The following NAALADL2 variants were observed in gnomAD, a reference collection of about 807,000 sequenced individuals.
The protein encoded by NAALADL2 is N-acetylated alpha-linked acidic dipeptidase like 2, also known as inactive N-acetylated-alpha-linked acidic dipeptidase-like protein 2.
In NAALADL2, 76 loss-of-function variants were observed where a neutral mutation model predicts 87.2. That is an observed-to-expected ratio of 0.87 (90% CI 0.72 to 1.05). The LOEUF (loss-of-function observed/expected upper bound fraction) is 1.05, where lower values mean the gene tolerates loss of function less well. Among genes scored for constraint, NAALADL2 ranks in the 50% least tolerant of loss-of-function variants. The probability of loss-of-function intolerance (pLI) is 0.00; values close to 1 mark genes in which losing one functional copy is unlikely to be tolerated. For missense variants in NAALADL2, 1,089 were observed against 945.8 expected, an observed-to-expected ratio of 1.15 and a Z score of -1.99; for synonymous variants, 354 against 331.0, an observed-to-expected ratio of 1.07 and a Z score of -0.75.
At chr3:174,941,224 G>A (rs939251234) in intron 1 of NAALADL2, among the ~76,000 whole-genome samples, 1 of 152,090 alleles carries the variant, frequency 6.6e-6, no homozygotes, top group Non-Finnish European at 1.5e-5. Flanking sequence ...TAGCATCAAA[G>A]AACTTCTTGA....
At chr3:175,065,723 A>G (rs912804307) in intron 1 of NAALADL2, among the ~76,000 whole-genome samples, 1 of 152,236 alleles carries the variant, frequency 6.6e-6, no homozygotes, top group African/African-American at 2.4e-5. Context: ...GGAGAAAAAA[A>G]AGAGAGTCAG....
intron 1 of NAALADL2, among the ~76,000 whole-genome samples, chr3:174,499,957 T>C (rs902963889): frequency 1.3e-5 from 2 of 152,158 alleles, no homozygotes; most frequent in Non-Finnish European, 2.9e-5. Flanking sequence ...TAAATTTCTG[T>C]AAAAATCCTT....
chr3:175,255,314 A>G (rs1043600671), intron 3 of NAALADL2, among the ~76,000 whole-genome samples: 5 of 152,220 alleles, frequency 3.3e-5, no homozygotes, highest in South Asian at 4.1e-4. Context: ...ATGTTCCTAT[A>G]GAAACAATGC....
At chr3:175,739,046 A>T (rs1452356713) in intron 12 of NAALADL2, among the ~76,000 whole-genome samples, 3 of 152,194 alleles carry the variant, frequency 2.0e-5, no homozygotes, top group East Asian at 3.8e-4. Context: ...TTCAGAGAAC[A>T]AAAGGAGTTT....
At chr3:175,191,230 T>C (rs1738150110) in intron 2 of NAALADL2, among the ~76,000 whole-genome samples, 1 of 151,764 alleles carries the variant, frequency 6.6e-6, no homozygotes, top group Non-Finnish European at 1.5e-5. Flanking sequence ...CCTAATATCA[T>C]GTTGCATACT....
chr3:175,322,017 C>T (rs1759956044), intron 4 of NAALADL2, among the ~76,000 whole-genome samples: 1 of 151,896 alleles, frequency 6.6e-6, no homozygotes, highest in Non-Finnish European at 1.5e-5. Flanking sequence ...CAAAAAAGAG[C>T]CCGCATCACC....
At chr3:174,757,135 G>C (rs1041008530) in intron 3 of NAALADL2, among the ~76,000 whole-genome samples, 19 of 152,126 alleles carry the variant, frequency 1.2e-4, no homozygotes, top group Non-Finnish European at 2.5e-4. Flanking sequence ...TAATATTGTT[G>C]TTAGTTAGCA....
At chr3:175,330,796 TAATAA>T (rs1761304592) in intron 5 of NAALADL2, among the ~76,000 whole-genome samples, 1 of 151,636 alleles carries the variant, frequency 6.6e-6, no homozygotes, top group Admixed American at 6.6e-5. Context: ...ATGAAACAAA[TAATAA>T]AATATCAGAG....
In NAALADL2 at chr3:174,797,430, G is replaced by T. The variant is rs1718273130; in HGVS notation, c.-9+59684G>T. ...GGGTTCAAGCGATTCTCCTGTCTCA[G>T]CCTCCAGAGTAGTGGAATTGCAGGC... On this transcript the variant is annotated intron_variant, in intron 3 of 3. Transcript: ENST00000434257. Among the ~76,000 whole-genome samples, 3 of 146,706 alleles carry T rather than the reference G, an allele frequency of 2.0e-5. No homozygotes were observed. In the Admixed American group the frequency reaches 2.1e-4, roughly 10 times the overall value.
intron 1 of NAALADL2, 101 bp from the exon 2 acceptor site, chr3:175,096,689 A>G: frequency 3.3e-6 from 2 of 601,204 alleles, no homozygotes; most frequent in East Asian, 6.2e-5. Flanking sequence ...CTGTATTATA[A>G]TCATTAAACA....
intron 9 of NAALADL2, among the ~76,000 whole-genome samples, chr3:175,539,596 G>C: frequency 7.7e-6 from 1 of 130,216 alleles, no homozygotes; most frequent in Non-Finnish European, 1.6e-5. Flanking sequence ...TTGTCACCCA[G>C]GTACTAAGCA....
intron 1 of NAALADL2, among the ~76,000 whole-genome samples, chr3:174,965,188 C>T (rs1467981624): frequency 6.6e-6 from 1 of 152,080 alleles, no homozygotes; most frequent in Admixed American, 6.6e-5. Flanking sequence ...AGGCTATTGG[C>T]TGGAGATCTC....
At chr3:175,109,712 A>G (rs1580496555) in intron 2 of NAALADL2, among the ~76,000 whole-genome samples, 1 of 151,810 alleles carries the variant, frequency 6.6e-6, no homozygotes, top group Non-Finnish European at 1.5e-5. Context: ...TTCTAGCATT[A>G]CCCAGCAACT....
chr3:174,824,614 T>C (rs952151002), intron 3 of NAALADL2, among the ~76,000 whole-genome samples: 2 of 152,192 alleles, frequency 1.3e-5, no homozygotes, highest in African/African-American at 4.8e-5. Context: ...ATGAATATAA[T>C]AAAGTTAGTT....
At chr3:175,790,280 C>T (rs1752624573) in intron 13 of NAALADL2, among the ~76,000 whole-genome samples, 1 of 151,918 alleles carries the variant, frequency 6.6e-6, no homozygotes, top group African/African-American at 2.4e-5. Context: ...TTTTGGGGCC[C>T]CAGATCCATT....
At chr3:175,537,836 G>A (rs1213755445) in intron 9 of NAALADL2, among the ~76,000 whole-genome samples, 2 of 152,084 alleles carry the variant, frequency 1.3e-5, no homozygotes, top group African/African-American at 4.8e-5. Flanking sequence ...TACAGAATTG[G>A]GAAGAAAATG....
chr3:175,178,041 A>G (rs1735944275), intron 2 of NAALADL2, among the ~76,000 whole-genome samples: 1 of 152,036 alleles, frequency 6.6e-6, no homozygotes, highest in South Asian at 2.1e-4. Flanking sequence ...CCTACATTCA[A>G]TCAGTGTTCT....
intron 2 of NAALADL2, among the ~76,000 whole-genome samples, chr3:175,106,744 C>A (rs1468193312): frequency 2.0e-5 from 3 of 152,026 alleles, no homozygotes; most frequent in Admixed American, 2.0e-4. Context: ...ATTCAAGTGG[C>A]AGACGTGGTC....
At chr3:175,480,361 T>C (rs1018886873) in intron 9 of NAALADL2, among the ~76,000 whole-genome samples, 2 of 151,826 alleles carry the variant, frequency 1.3e-5, no homozygotes, top group Non-Finnish European at 1.5e-5. Context: ...CATATATCAA[T>C]GGCAACCATC....
Sources: allele counts gnomAD v4.1 joint callset (sites outside exome capture counted in the v4.1 genomes callset), GRCh38; gene constraint gnomAD v4.1.1; transcripts MANE v1.5; gene names NCBI Gene and HGNC (gene_info 2026-07-23, HGNC 2026-07-21).